Variants in PPARGC1A observed in about 807,000 individuals in gnomAD.
PPARGC1A encodes peroxisome proliferator-activated receptor gamma coactivator 1-alpha.
PPARGC1A carries 25 observed loss-of-function variants against 88.7 expected under a neutral mutation model. The ratio of observed to expected loss-of-function variants is 0.28; its 90% CI spans 0.21 to 0.39. The LOEUF is 0.39. Ranked by LOEUF, PPARGC1A falls within the 10% of genes least tolerant of loss-of-function variation. The pLI, the probability that PPARGC1A is intolerant of heterozygous loss-of-function variation, is 1.00. For missense variants in PPARGC1A, 880 were observed against 968.7 expected (o/e 0.91, Z 1.22); for synonymous variants, 363 against 355.6 (o/e 1.02, Z -0.24).
At chr4:24,063,070 TGA>T in the PPARGC1A span, among the ~76,000 whole-genome samples, 1 of 152,180 alleles carries the variant, frequency 6.6e-6, no homozygotes, top group Non-Finnish European at 1.5e-5. Context: ...TTTTCCAGAC[TGA>T]GAGTCTTTTT....
At chr4:24,134,148 C>T in the PPARGC1A span, among the ~76,000 whole-genome samples, 2 of 152,194 alleles carry the variant, frequency 1.3e-5, no homozygotes, top group African/African-American at 2.4e-5. Context: ...TAGACCATTC[C>T]TTCCGATACC....
intron 11 of PPARGC1A, 146 bp from the exon 12 acceptor site, chr4:23,802,027 A>T: frequency 1.6e-6 from 2 of 1,277,166 alleles, no homozygotes; most frequent in Non-Finnish European, 2.2e-6. Context: ...TCAAGCAGCT[A>T]AATACTTATT....
At chr4:24,005,642 G>T in the PPARGC1A span, among the ~76,000 whole-genome samples, 1 of 152,148 alleles carries the variant, frequency 6.6e-6, no homozygotes, top group African/African-American at 2.4e-5. Context: ...TATTTGAGGA[G>T]CTACACCAAG....
intron 1 of PPARGC1A, among the ~76,000 whole-genome samples, chr4:23,896,227 T>G (rs2148869029): frequency 6.6e-6 from 1 of 152,164 alleles, no homozygotes. Flanking sequence ...TACGTTCCTT[T>G]ATGTGAATGT....
At chr4:24,381,950 A>G in the PPARGC1A span, among the ~76,000 whole-genome samples, 1 of 152,232 alleles carries the variant, frequency 6.6e-6, no homozygotes, top group Non-Finnish European at 1.5e-5. Context: ...TTCAATCCAT[A>G]TTGAGATAAA....
chr4:24,375,153 G>T, the PPARGC1A span, among the ~76,000 whole-genome samples: 14 of 152,018 alleles, frequency 9.2e-5, no homozygotes, highest in African/African-American at 2.9e-4. Flanking sequence ...TTTTAATCAG[G>T]CCCCAAATGT....
the PPARGC1A span, among the ~76,000 whole-genome samples, chr4:24,417,848 T>C: frequency 6.6e-6 from 1 of 152,122 alleles, no homozygotes; most frequent in Non-Finnish European, 1.5e-5. Flanking sequence ...GGTTGCATAT[T>C]TCATTTTGCT....
intron 12 of PPARGC1A, among the ~76,000 whole-genome samples, chr4:23,798,927 T>C (rs1460870469): frequency 6.6e-6 from 1 of 152,184 alleles, no homozygotes; most frequent in Non-Finnish European, 1.5e-5. Flanking sequence ...TCTAACAATA[T>C]TGTAGTCACC....
the PPARGC1A span, among the ~76,000 whole-genome samples, chr4:23,951,983 T>C: frequency 1.3e-5 from 2 of 152,100 alleles, no homozygotes; most frequent in Admixed American, 6.6e-5. Flanking sequence ...GTTCATTTCC[T>C]CCCACTTCCC....
At chr4:23,956,794 A>G in the PPARGC1A span, among the ~76,000 whole-genome samples, 1 of 152,082 alleles carries the variant, frequency 6.6e-6, no homozygotes, top group Non-Finnish European at 1.5e-5. Flanking sequence ...TCAAAGTCTC[A>G]CCAAACCAAG....
At chr4:23,964,141 C>A in the PPARGC1A span, among the ~76,000 whole-genome samples, 1 of 152,184 alleles carries the variant, frequency 6.6e-6, no homozygotes, top group Non-Finnish European at 1.5e-5. Flanking sequence ...CCTGCCTAAG[C>A]TGGGAACTGT....
At chr4:23,914,042 A>G in the PPARGC1A span, among the ~76,000 whole-genome samples, 1 of 152,376 alleles carries the variant, frequency 6.6e-6, no homozygotes, top group African/African-American at 2.4e-5. Flanking sequence ...CTGCTAGAAA[A>G]GTCCAGAGAA....
the PPARGC1A span, among the ~76,000 whole-genome samples, chr4:24,098,317 C>T: frequency 6.6e-6 from 1 of 152,190 alleles, no homozygotes; most frequent in Non-Finnish European, 1.5e-5. Flanking sequence ...CTTGGCTCCA[C>T]AGCAAAATAG....
chr4:23,832,901 C>T (rs1233204502), intron 2 of PPARGC1A, among the ~76,000 whole-genome samples: 2 of 140,884 alleles, frequency 1.4e-5, no homozygotes, highest in Non-Finnish European at 3.3e-5. Flanking sequence ...TGAGCTACTG[C>T]GCCCGGCCCC....
chr4:24,219,664 A>T, the PPARGC1A span, among the ~76,000 whole-genome samples: 1 of 152,130 alleles, frequency 6.6e-6, no homozygotes, highest in Non-Finnish European at 1.5e-5. Context: ...CCCTCCTCCA[A>T]ACATGGACGC....
At chr4:24,155,459 C>T in the PPARGC1A span, among the ~76,000 whole-genome samples, 1 of 151,760 alleles carries the variant, frequency 6.6e-6, no homozygotes, top group East Asian at 1.9e-4. Context: ...CCTTTCTCTA[C>T]AAAACGTAGC....
chr4:24,300,324 A>ACTTTT, the PPARGC1A span, among the ~76,000 whole-genome samples: 1 of 44,998 alleles, frequency 2.2e-5, no homozygotes, highest in Non-Finnish European at 4.4e-5. Context: ...ATACAATAGC[A>ACTTTT]TTTTTTTTTT....
chr4:24,284,885 G>T, the PPARGC1A span, among the ~76,000 whole-genome samples: 1 of 152,184 alleles, frequency 6.6e-6, no homozygotes, highest in East Asian at 1.9e-4. Context: ...AAAATTAGGT[G>T]GGCATGGTGG....
chr4:24,150,975 G>T, the PPARGC1A span, among the ~76,000 whole-genome samples: 1 of 152,030 alleles, frequency 6.6e-6, no homozygotes, highest in Non-Finnish European at 1.5e-5. Context: ...TGTTCCAATT[G>T]CAGTTTCCCA....
Sources: gnomAD v4.1 joint callset for allele counts (sites outside exome capture counted in the v4.1 genomes callset) on GRCh38, gnomAD v4.1.1 for gene constraint, MANE v1.5 for transcripts, NCBI Gene and HGNC (gene_info 2026-07-23, HGNC 2026-07-21) for gene names.